PRKCQ: variants seen among roughly 807,000 people sequenced by gnomAD.
PRKCQ encodes the protein protein kinase C theta type.
A neutral mutation model predicts 91.2 loss-of-function variants in PRKCQ; 41 were observed. That is an observed-to-expected ratio of 0.45 (90% confidence interval 0.35 to 0.58). The LOEUF (loss-of-function observed/expected upper bound fraction) is 0.58. Among genes scored for constraint, PRKCQ ranks in the 20% least tolerant of loss-of-function variants. PRKCQ has a pLI of 0.00. For synonymous variants in PRKCQ, 307 were observed against 316.9 expected, an observed-to-expected ratio of 0.97 and a Z score of 0.33; for missense variants, 673 against 896.5, an observed-to-expected ratio of 0.75 and a Z score of 3.18.
intron 11 of PRKCQ, among the ~76,000 whole-genome samples, chr10:6,481,163 G>T (rs1886050): frequency 6.6e-6 from 1 of 152,036 alleles, no homozygotes; most frequent in East Asian, 1.9e-4. Context: ...GACATGGAGT[G>T]GGGGAAACCT....
chr10:6,455,571 T>C (rs962603696), intron 15 of PRKCQ, among the ~76,000 whole-genome samples: 2 of 152,198 alleles, frequency 1.3e-5, no homozygotes, highest in Admixed American at 1.3e-4. Context: ...CCATCTCCAA[T>C]CACACGTTTA....
At chr10:6,483,268 C>T (rs1438256208) in intron 11 of PRKCQ, among the ~76,000 whole-genome samples, 172 bp downstream of exon 11, 2 of 152,198 alleles carry the variant, frequency 1.3e-5, no homozygotes, top group Non-Finnish European at 2.9e-5. Context: ...GCTGAGGCTA[C>T]TATGGGCCTA....
chr10:6,521,487 T>C (rs527713068), intron 1 of PRKCQ, among the ~76,000 whole-genome samples: 1 of 152,248 alleles, frequency 6.6e-6, no homozygotes, highest in East Asian at 1.9e-4. Context: ...GATAATACTA[T>C]TACTCATCCC....
chr10:6,433,908 G>A (rs113296244), intron 16 of PRKCQ, among the ~76,000 whole-genome samples: 1,633 of 151,764 alleles, frequency 0.011, 35 homozygotes, highest in African/African-American at 0.036. Flanking sequence ...GTGGACGCCT[G>A]TAACCCCAGC....
At chr10:6,468,782 G>A (rs1835816596) in intron 12 of PRKCQ, among the ~76,000 whole-genome samples, 1 of 152,112 alleles carries the variant, frequency 6.6e-6, no homozygotes, top group Non-Finnish European at 1.5e-5. Context: ...ACCTTTCAAA[G>A]TATCATATGT....
the PRKCQ span, among the ~76,000 whole-genome samples, chr10:6,418,453 A>G: frequency 6.6e-6 from 1 of 152,116 alleles, no homozygotes; most frequent in Non-Finnish European, 1.5e-5. Context: ...CTTTGTTTCC[A>G]TCCTTTCCTC....
At chr10:6,409,402 C>A in the PRKCQ span, among the ~76,000 whole-genome samples, 1 of 152,204 alleles carries the variant, frequency 6.6e-6, no homozygotes, top group Non-Finnish European at 1.5e-5. Context: ...TCAAGCGACT[C>A]TTCTGCCTCA....
At chr10:6,464,444 CATTTTT>C (rs141007126) in intron 12 of PRKCQ, 40 bp from the exon 13 acceptor site, 40,007 of 1,494,412 alleles carry the variant, frequency 0.027, 700 homozygotes, top group African/African-American at 0.055. Context: ...TATTTCATTT[CATTTTT>C]ATTTATTTAT....
At chr10:6,544,498 G>A (rs1271906455) in intron 1 of PRKCQ, among the ~76,000 whole-genome samples, 1 of 152,156 alleles carries the variant, frequency 6.6e-6, no homozygotes, top group East Asian at 1.9e-4. Context: ...ATTGATAAAT[G>A]GAGATAACTG....
intron 7 of PRKCQ, among the ~76,000 whole-genome samples, chr10:6,495,548 C>T (rs772420595): frequency 1.3e-5 from 2 of 152,240 alleles, no homozygotes; most frequent in Non-Finnish European, 2.9e-5. Flanking sequence ...TACTCTCCAC[C>T]TTGCACCTTG....
chr10:6,474,159 C>A (rs922230413), intron 12 of PRKCQ, among the ~76,000 whole-genome samples: 1 of 152,108 alleles, frequency 6.6e-6, no homozygotes, highest in African/African-American at 2.4e-5. Flanking sequence ...TGATATTGAC[C>A]AAGAATGTTC....
At chr10:6,547,312 G>A (rs895333455) in intron 1 of PRKCQ, among the ~76,000 whole-genome samples, 1 of 151,810 alleles carries the variant, frequency 6.6e-6, no homozygotes, top group African/African-American at 2.4e-5. Flanking sequence ...ACTGCCCAAG[G>A]TAATTTATAG....
At position 6,478,882 on chromosome 10, in the gene PRKCQ, T is replaced by G; in HGVS notation, c.1353+110A>C. 11 of 1,266,730 alleles carry G rather than the reference T, an allele frequency of 8.7e-6. No homozygotes were observed. In the South Asian group the frequency reaches 1.7e-4, roughly 19 times the overall value. The allele number at this position is 1,266,730 out of a possible 1,614,324, so 78.5% of individuals were successfully genotyped here. A position where few individuals can be genotyped will look rare whatever the true frequency, so the allele number is the denominator to read the frequency against. Reference sequence around the variant, plus strand: ...GATGGATGGCAGGTACACCGAAATGTAAGATAAATATGGAGGCAATGACTC... The same window carrying G: ...GATGGATGGCAGGTACACCGAAATGGAAGATAAATATGGAGGCAATGACTC... On this transcript the variant is annotated intron_variant, in intron 12 of 17. Transcript: ENST00000263125.
chr10:6,413,731 G>GCACA, the PRKCQ span, among the ~76,000 whole-genome samples: 40 of 73,426 alleles, frequency 5.4e-4, 5 homozygotes, highest in South Asian at 2.2e-3. Context: ...TTGTGCGCGC[G>GCACA]CACACACACA....
At chr10:6,540,409 C>T (rs1345609337) in intron 1 of PRKCQ, among the ~76,000 whole-genome samples, 1 of 152,142 alleles carries the variant, frequency 6.6e-6, no homozygotes, top group African/African-American at 2.4e-5. Context: ...CTCACCAGCC[C>T]CTGATAACTG....
At chr10:6,544,586 T>C (rs905818880) in intron 1 of PRKCQ, among the ~76,000 whole-genome samples, 29 of 151,928 alleles carry the variant, frequency 1.9e-4, no homozygotes, top group African/African-American at 6.3e-4. Flanking sequence ...CTGTTTAACC[T>C]CCTCTCTCGC....
At chr10:6,519,760 T>C (rs1838922789) in intron 1 of PRKCQ, among the ~76,000 whole-genome samples, 1 of 152,182 alleles carries the variant, frequency 6.6e-6, no homozygotes. Flanking sequence ...ATGGGATGTA[T>C]GTTGGACATA....
intron 4 of PRKCQ, among the ~76,000 whole-genome samples, chr10:6,504,375 T>C (rs1838076089): frequency 1.3e-5 from 2 of 152,232 alleles, no homozygotes; most frequent in South Asian, 4.1e-4. Flanking sequence ...CATCTGTCTC[T>C]GACTCTTCAT....
intron 1 of PRKCQ, among the ~76,000 whole-genome samples, chr10:6,556,910 T>C (rs1417680453): frequency 6.6e-6 from 1 of 152,182 alleles, no homozygotes; most frequent in Non-Finnish European, 1.5e-5. Context: ...AAGACATAAA[T>C]GGCTCAACTT....
Sources: gnomAD v4.1 joint callset for allele counts (sites outside exome capture counted in the v4.1 genomes callset) on GRCh38, gnomAD v4.1.1 for gene constraint, MANE v1.5 for transcripts, NCBI Gene and HGNC (gene_info 2026-07-23, HGNC 2026-07-21) for gene names.